The following HMGCLL1 variants were observed in gnomAD, a reference collection of about 807,000 sequenced individuals.
HMGCLL1 encodes the protein 3-hydroxymethyl-3-methylglutaryl-CoA lyase, cytoplasmic.
Under a neutral mutation model 39.1 loss-of-function variants are expected in HMGCLL1, and 36 were observed. The observed-to-expected ratio is 0.92, with a 90% CI of 0.71 to 1.22. The LOEUF is 1.22. HMGCLL1 is among the 50% of genes most tolerant of loss of function. HMGCLL1 has a pLI of 0.00. For missense variants in HMGCLL1, 451 were observed against 416.5 expected (o/e 1.08, Z -0.72); for synonymous variants, 149 against 144.0 (o/e 1.03, Z -0.25).
chr6:55,660,248 A>G, the HMGCLL1 span, among the ~76,000 whole-genome samples: 1 of 151,894 alleles, frequency 6.6e-6, no homozygotes, highest in Non-Finnish European at 1.5e-5. Context: ...TCATGGGTAC[A>G]TATGCAGGTT....
upstream of HMGCLL1, among the ~76,000 whole-genome samples, chr6:55,580,808 G>A (rs1004374873): frequency 1.3e-5 from 2 of 152,094 alleles, no homozygotes; most frequent in African/African-American, 2.4e-5. Context: ...CCAAAACTCC[G>A]GTTGTTATTT....
chr6:55,494,986 T>A (rs1246324840), intron 7 of HMGCLL1, among the ~76,000 whole-genome samples: 1 of 152,164 alleles, frequency 6.6e-6, no homozygotes, highest in Non-Finnish European at 1.5e-5. Flanking sequence ...TATACTATAT[T>A]TCAGCACCAG....
In HMGCLL1 at chr6:55,435,615, G is replaced by A. The variant is rs1763336887; in HGVS notation, c.*47C>T. The A allele has an allele frequency of 1.9e-6, 2 of 1,055,706 alleles. No homozygotes were observed. Among genetic ancestry groups the A allele is most frequent in the Non-Finnish European group, 2.8e-6 (2 of 704,542 alleles). 65.4% of individuals were successfully genotyped at this position (1,055,706 alleles called of 1,614,324 possible). A position where few individuals can be genotyped will look rare whatever the true frequency, so the allele number is the denominator to read the frequency against. ...CATTAATGATTTTCAGATGAGTATT[G>A]TAGCTGAAATTGATCTTCTCAACGG... On this transcript the variant is annotated 3_prime_UTR_variant, in exon 9 of 9. Coordinates refer to ENST00000274901, the MANE Select transcript of HMGCLL1 (RefSeq NM_001042406.2).
At chr6:55,658,809 A>T in the HMGCLL1 span, among the ~76,000 whole-genome samples, 1 of 151,958 alleles carries the variant, frequency 6.6e-6, no homozygotes, top group Non-Finnish European at 1.5e-5. Context: ...GATTTGAACC[A>T]ACAACTCACT....
rs114008350 is a variant in HMGCLL1 at position 55,571,854 on chromosome 6, A to G, written c.108+7094T>C. 3.1e-3 allele frequency among the ~76,000 whole-genome samples: 478 copies of G among 152,230 alleles called. 4 individuals are homozygous for G. Among genetic ancestry groups the G allele is most frequent in the African/African-American group, 0.011 (459 of 41,554 alleles). On this transcript the variant is annotated intron_variant, in intron 1 of 8. Transcript: ENST00000274901. ...TAATAGATCAAACATGATTAGAGGT[A>G]AATTCATCTAATTAAAGCTAGAGAG...
At chr6:55,661,024 G>T in the HMGCLL1 span, among the ~76,000 whole-genome samples, 5 of 151,958 alleles carry the variant, frequency 3.3e-5, no homozygotes, top group South Asian at 8.3e-4. Flanking sequence ...CTTTTGAAAA[G>T]GGTCTGTTTA....
At chr6:55,677,874 T>C in the HMGCLL1 span, among the ~76,000 whole-genome samples, 1 of 152,244 alleles carries the variant, frequency 6.6e-6, no homozygotes, top group African/African-American at 2.4e-5. Flanking sequence ...GAAGACATTG[T>C]ATTTTATGCA....
At chr6:55,519,203 T>C (rs551542187) in intron 3 of HMGCLL1, among the ~76,000 whole-genome samples, 1 of 152,208 alleles carries the variant, frequency 6.6e-6, no homozygotes, top group African/African-American at 2.4e-5. Context: ...CTAAATGTAG[T>C]ATTATAGAAC....
chr6:55,602,098 G>A, the HMGCLL1 span, among the ~76,000 whole-genome samples: 10 of 151,820 alleles, frequency 6.6e-5, no homozygotes, highest in East Asian at 1.9e-4. Flanking sequence ...TCTCTTAGAC[G>A]TATGTAATAA....
intron 7 of HMGCLL1, among the ~76,000 whole-genome samples, chr6:55,484,725 G>A (rs115002382): frequency 1.3e-5 from 2 of 151,890 alleles, no homozygotes; most frequent in Non-Finnish European, 2.9e-5. Context: ...CTTAGAATAT[G>A]CTCACCACCC....
the HMGCLL1 span, among the ~76,000 whole-genome samples, chr6:55,633,254 A>T: frequency 6.6e-6 from 1 of 151,938 alleles, no homozygotes; most frequent in South Asian, 2.1e-4. Context: ...GGTAATATAA[A>T]TAAGAGAATA....
chr6:55,545,222 A>AG (rs1182687300), intron 1 of HMGCLL1, among the ~76,000 whole-genome samples: 3 of 63,240 alleles, frequency 4.7e-5, no homozygotes, highest in Admixed American at 2.4e-4. Flanking sequence ...CAAAAAAAAA[A>AG]AAAAAAGAAG....
At chr6:55,479,990 T>C (rs1450971023) in intron 7 of HMGCLL1, among the ~76,000 whole-genome samples, 1 of 151,692 alleles carries the variant, frequency 6.6e-6, no homozygotes, top group Non-Finnish European at 1.5e-5. Flanking sequence ...ACAGATTAAA[T>C]GCTTGAAGAG....
At chr6:55,519,304 G>T (rs1767910816) in intron 3 of HMGCLL1, among the ~76,000 whole-genome samples, 1 of 148,758 alleles carries the variant, frequency 6.7e-6, no homozygotes, top group African/African-American at 2.4e-5. Context: ...CAAGTTCTGT[G>T]GTAGAAAAAA....
chr6:55,547,529 T>A (rs1310390282), intron 1 of HMGCLL1, among the ~76,000 whole-genome samples: 1 of 151,634 alleles, frequency 6.6e-6, no homozygotes, highest in East Asian at 1.9e-4. Flanking sequence ...GCACTTCATT[T>A]CTTGAGAAGT....
At chr6:55,523,424 AG>A (rs1178779039) in intron 3 of HMGCLL1, among the ~76,000 whole-genome samples, 1 of 152,004 alleles carries the variant, frequency 6.6e-6, no homozygotes, top group Admixed American at 6.6e-5. Flanking sequence ...AGAAGAAAAA[AG>A]GGGAGTTATA....
At chr6:55,608,689 A>C in the HMGCLL1 span, among the ~76,000 whole-genome samples, 6 of 152,248 alleles carry the variant, frequency 3.9e-5, no homozygotes, top group Non-Finnish European at 7.3e-5. Context: ...ATTTCTAAAA[A>C]TAAAACTGTG....
At position 55,579,121 on chromosome 6, in the gene HMGCLL1, C is replaced by G. The variant is rs1486452365; in HGVS notation, c.-66G>C. On this transcript the variant is annotated 5_prime_UTR_variant, in exon 1 of 9. Coordinates refer to ENST00000274901, the MANE Select transcript of HMGCLL1 (RefSeq NM_001042406.2). The stretch of plus-strand genomic sequence containing the variant: ...GGAGGAGGATGAGGGGCGGGCACCG[C>G]GCTGGGAAACTGCGCCAGCTCGGGA... The G allele has an allele frequency of 1.8e-5, 22 of 1,237,940 alleles. No individual in the cohort carries two copies. The highest frequency in any genetic ancestry group is 1.0e-4 in the South Asian group (8 of 79,110). 76.7% of individuals were successfully genotyped at this position (1,237,940 alleles called of 1,614,324 possible).
At chr6:55,462,668 C>T (rs1764625047) in intron 7 of HMGCLL1, among the ~76,000 whole-genome samples, 1 of 152,170 alleles carries the variant, frequency 6.6e-6, no homozygotes, top group African/African-American at 2.4e-5. Context: ...TGCCAGCCAT[C>T]TTTACCTGTG....
Sources: allele counts gnomAD v4.1 joint callset (sites outside exome capture counted in the v4.1 genomes callset), GRCh38; gene constraint gnomAD v4.1.1; transcripts MANE v1.5; gene names NCBI Gene and HGNC (gene_info 2026-07-23, HGNC 2026-07-21).